PTPRG: variants seen among roughly 807,000 people sequenced by gnomAD.
The protein encoded by PTPRG is protein tyrosine phosphatase receptor type G, also known as receptor-type tyrosine-protein phosphatase gamma.
Under a neutral mutation model 165.3 loss-of-function variants are expected in PTPRG, and 102 were observed. The ratio of observed to expected loss-of-function variants is 0.62; its 90% CI spans 0.53 to 0.73. The LOEUF is 0.73. Ranked by LOEUF, PTPRG falls within the 30% of genes least tolerant of loss-of-function variation. The pLI is 0.00. For missense variants in PTPRG, 1,866 were observed against 1,861.4 expected (o/e 1.00, Z -0.05); for synonymous variants, 675 against 669.5 (o/e 1.01, Z -0.13).
intron 2 of PTPRG, among the ~76,000 whole-genome samples, chr3:61,772,058 T>TA (rs71100977): frequency 0.3 from 19,170 of 64,686 alleles, 3,371 homozygotes; most frequent in East Asian, 0.4. Context: ...AGACTCTGTC[T>TA]AAAAAAAAAA....
At chr3:62,119,446 C>T (rs1038464667) in intron 5 of PTPRG, among the ~76,000 whole-genome samples, 5 of 152,116 alleles carry the variant, frequency 3.3e-5, no homozygotes, top group Admixed American at 1.3e-4. Context: ...ACAATGCGGG[C>T]AAAGGCCTAG....
intron 2 of PTPRG, among the ~76,000 whole-genome samples, chr3:61,796,998 T>C (rs545486108): frequency 6.6e-6 from 1 of 152,298 alleles, no homozygotes; most frequent in Non-Finnish European, 1.5e-5. Flanking sequence ...TTCAGCTTTA[T>C]ATATTTGGAA....
At chr3:61,904,983 C>G (rs1053752893) in intron 2 of PTPRG, among the ~76,000 whole-genome samples, 3 of 151,750 alleles carry the variant, frequency 2.0e-5, no homozygotes, top group Non-Finnish European at 4.4e-5. Context: ...TGCTGTCTGT[C>G]TTTTCCTGCA....
chr3:62,099,793 CTTTTTTTTTTTTT>C (rs759385441), intron 5 of PTPRG, among the ~76,000 whole-genome samples: 17 of 90,752 alleles, frequency 1.9e-4, no homozygotes, highest in South Asian at 1.3e-3. Flanking sequence ...AGTGTTAAAT[CTTTTTTTTTTTTT>C]TTTTTTTTTT....
chr3:61,937,059 G>C (rs1232249787), intron 2 of PTPRG, among the ~76,000 whole-genome samples: 1 of 152,138 alleles, frequency 6.6e-6, no homozygotes, highest in Non-Finnish European at 1.5e-5. Context: ...AACTAAAATG[G>C]GAATCGTCTT....
intron 2 of PTPRG, among the ~76,000 whole-genome samples, chr3:61,889,344 A>G (rs2038142157): frequency 6.6e-6 from 1 of 152,156 alleles, no homozygotes. Context: ...GGTGGGTTAT[A>G]ATATATTACT....
chr3:61,812,633 G>C (rs1056451377), intron 2 of PTPRG, among the ~76,000 whole-genome samples: 4 of 152,218 alleles, frequency 2.6e-5, no homozygotes, highest in African/African-American at 9.6e-5. Flanking sequence ...CTCGTTAGCT[G>C]CTTTCCACAG....
intron 3 of PTPRG, among the ~76,000 whole-genome samples, chr3:62,000,779 C>G (rs1031635273): frequency 3.9e-5 from 6 of 152,158 alleles, no homozygotes; most frequent in African/African-American, 1.4e-4. Context: ...GCCAGTCTTC[C>G]GTGCTGTCCA....
At chr3:61,658,952 T>A (rs1016467366) in intron 1 of PTPRG, among the ~76,000 whole-genome samples, 19 of 152,222 alleles carry the variant, frequency 1.2e-4, no homozygotes, top group African/African-American at 2.4e-5. Context: ...AATGTAGCAC[T>A]GGTTCTCATG....
rs116430710 is a variant in PTPRG, at chr3:62,132,093, C to T, written c.616-509C>T. Among the ~76,000 whole-genome samples the T allele has an allele frequency of 2.3e-3, 346 of 152,246 alleles. 3 individuals are homozygous for T. The highest frequency in any genetic ancestry group is 7.7e-3 in the African/African-American group (322 of 41,570). ...ACACTGTCTCTTCAAGCTTCTCTCC[C>T]CTCCTCTTCTGCTTTCCATAACTTT... On this transcript the variant is annotated intron_variant, in intron 5 of 29. Transcript: ENST00000474889.
intron 2 of PTPRG, among the ~76,000 whole-genome samples, chr3:61,960,300 T>C (rs1253334414): frequency 1.3e-5 from 2 of 152,012 alleles, no homozygotes; most frequent in East Asian, 3.9e-4. Context: ...GTCATGCATC[T>C]CCTGGAGTGG....
At chr3:61,871,914 G>T (rs773451754) in intron 2 of PTPRG, among the ~76,000 whole-genome samples, 36 of 152,252 alleles carry the variant, frequency 2.4e-4, no homozygotes, top group Admixed American at 3.9e-4. Context: ...AGAATCCAGG[G>T]ATCTGTGTTT....
chr3:61,802,804 G>C (rs749298223), intron 2 of PTPRG, among the ~76,000 whole-genome samples: 7 of 152,094 alleles, frequency 4.6e-5, no homozygotes, highest in Non-Finnish European at 1.0e-4. Context: ...GATTTCAGGA[G>C]TCATGGGGAC....
chr3:61,650,038 C>T (rs1261944130), intron 1 of PTPRG, among the ~76,000 whole-genome samples: 1 of 152,174 alleles, frequency 6.6e-6, no homozygotes, highest in African/African-American at 2.4e-5. Context: ...TGGTTTCTCT[C>T]GATTTCTCCT....
chr3:62,035,022 A>G (rs886763765), intron 4 of PTPRG, among the ~76,000 whole-genome samples: 3 of 152,180 alleles, frequency 2.0e-5, no homozygotes, highest in Non-Finnish European at 4.4e-5. Context: ...CAGGAGTCCT[A>G]CAGTGGGGAC....
At chr3:62,185,104 G>T (rs184245759) in intron 8 of PTPRG, among the ~76,000 whole-genome samples, 11 of 152,214 alleles carry the variant, frequency 7.2e-5, no homozygotes, top group African/African-American at 2.6e-4. Flanking sequence ...AGGACCTTGG[G>T]TGCTCTGCTA....
chr3:61,659,433 A>T, intron 1 of PTPRG: 1 of 985,336 alleles, frequency 1.0e-6, no homozygotes, highest in Non-Finnish European at 1.2e-6. Context: ...CTTAAAAGTG[A>T]AAAAGCCTTT....
At chr3:62,011,181 A>AT (rs1183179127) in intron 4 of PTPRG, among the ~76,000 whole-genome samples, 1 of 151,952 alleles carries the variant, frequency 6.6e-6, no homozygotes, top group Non-Finnish European at 1.5e-5. Flanking sequence ...CTTCATATTG[A>AT]TTTATTTCCC....
intron 1 of PTPRG, among the ~76,000 whole-genome samples, chr3:61,743,486 G>C (rs1252087170): frequency 1.3e-5 from 2 of 151,494 alleles, no homozygotes; most frequent in African/African-American, 4.8e-5. Flanking sequence ...CTGATGCTCA[G>C]GTTTGTCAGG....
Sources: allele counts gnomAD v4.1 joint callset (sites outside exome capture counted in the v4.1 genomes callset), GRCh38; gene constraint gnomAD v4.1.1; transcripts MANE v1.5; gene names NCBI Gene and HGNC (gene_info 2026-07-23, HGNC 2026-07-21).